The following HTRA1 variants were observed in gnomAD, a reference collection of about 807,000 sequenced individuals.
HTRA1 encodes the protein serine protease HTRA1.
In HTRA1, 26 loss-of-function variants were observed where a neutral mutation model predicts 49.7. That is an observed-to-expected ratio of 0.52 (90% CI 0.38 to 0.73). The LOEUF is 0.73. HTRA1 is among the 30% of genes least tolerant of loss of function. HTRA1 has a pLI of 0.00. For missense variants in HTRA1, 561 were observed against 667.2 expected (o/e 0.84, Z 1.75); for synonymous variants, 291 against 286.9 (o/e 1.01, Z -0.14).
chr10:122,492,293 A>G (rs1388096603), intron 3 of HTRA1, among the ~76,000 whole-genome samples: 2 of 152,060 alleles, frequency 1.3e-5, no homozygotes, highest in Non-Finnish European at 2.9e-5. Flanking sequence ...TCCTGATTTC[A>G]CTTGGAGGGG....
At chr10:122,513,892 TC>T (rs1201363275) in intron 8 of HTRA1, among the ~76,000 whole-genome samples, 1 of 99,422 alleles carries the variant, frequency 1.0e-5, no homozygotes, top group Non-Finnish European at 2.2e-5. Flanking sequence ...CAAACCTGGC[TC>T]TTTTTTTTTT....
intron 3 of HTRA1, among the ~76,000 whole-genome samples, chr10:122,495,091 A>G (rs1357142425): frequency 2.6e-5 from 4 of 152,080 alleles, no homozygotes; most frequent in African/African-American, 9.7e-5. Flanking sequence ...AGCTCGTCCA[A>G]AAGCGAATCA....
At chr10:122,489,799 G>A (rs2097494938) in intron 3 of HTRA1, among the ~76,000 whole-genome samples, 173 bp downstream of exon 3, 1 of 151,922 alleles carries the variant, frequency 6.6e-6, no homozygotes, top group African/African-American at 2.4e-5. Flanking sequence ...GTGTGGGAGA[G>A]GAAGGGGCTC....
intron 3 of HTRA1, among the ~76,000 whole-genome samples, chr10:122,495,589 C>G (rs1460664730): frequency 6.6e-6 from 1 of 152,178 alleles, no homozygotes; most frequent in African/African-American, 2.4e-5. Flanking sequence ...TGTGTGTTCT[C>G]TGGCCCGGAT....
chr10:122,482,251 GGACACCACCA>G (rs2097491335), intron 1 of HTRA1, among the ~76,000 whole-genome samples: 1 of 152,058 alleles, frequency 6.6e-6, no homozygotes, highest in Non-Finnish European at 1.5e-5. Context: ...GAGTCAGATT[GGACACCACCA>G]TGCCCATTTC....
intron 8 of HTRA1, 83 bp downstream of exon 8, chr10:122,512,148 C>A: frequency 2.1e-6 from 2 of 970,702 alleles, no homozygotes; most frequent in South Asian, 1.3e-5. Context: ...TGTTCCTTTT[C>A]TACTGGCTCA....
At chr10:122,497,976 G>T (rs2097499439) in intron 3 of HTRA1, among the ~76,000 whole-genome samples, 2 of 152,160 alleles carry the variant, frequency 1.3e-5, no homozygotes, top group South Asian at 4.1e-4. Flanking sequence ...TAGCTGTCGG[G>T]CCCCCATGTG....
At position 122,512,059 on chromosome 10, in the gene HTRA1, C is replaced by T; in HGVS notation, c.1268C>T (p.Ala423Val). 6.2e-7 allele frequency: 1 copy of T among 1,607,802 alleles called. No individual in the cohort carries two copies. The highest frequency in any genetic ancestry group is 1.3e-5 in the African/African-American group (1 of 74,900). ...YIIEVIPDTPAEAGGLKENDV... is the reference protein window; with the variant it reads ...YIIEVIPDTPVEAGGLKENDV... The stretch of plus-strand genomic sequence containing the variant: ...ATTGAAGTAATTCCTGATACCCCAG[C>T]AGAAGCGTGAGTTGGAGTCGTTTTC... The change falls in exon 8 of 9, where the codon GCA becomes GTA. Residue 423 changes from alanine (A) to valine (V), a missense_variant. Ala to Val is a moderately conservative substitution (Grantham distance 64). Around this residue, in one of 3 missense-constraint regions of HTRA1, gnomAD observed 179 missense variants for 173.4 expected, o/e 1.03. Coordinates refer to ENST00000368984, the MANE Select transcript of HTRA1 (RefSeq NM_002775.5).
At chr10:122,475,792 A>G (rs2090246440) in intron 1 of HTRA1, among the ~76,000 whole-genome samples, 1 of 152,214 alleles carries the variant, frequency 6.6e-6, no homozygotes, top group Non-Finnish European at 1.5e-5. Context: ...CAGTACCAGC[A>G]GCAGCGATTA....
chr10:122,496,826 C>T (rs767841150), intron 3 of HTRA1, among the ~76,000 whole-genome samples: 1 of 152,116 alleles, frequency 6.6e-6, no homozygotes, highest in Non-Finnish European at 1.5e-5. Flanking sequence ...CTGTCATTTC[C>T]TCGTGAGTTT....
rs2097495093 is a variant in HTRA1 at position 122,490,159 on chromosome 10, T to A, written c.777+533T>A. Among the ~76,000 whole-genome samples, 1 of 152,212 alleles carries A rather than the reference T, an allele frequency of 6.6e-6. No individual in the cohort carries two copies. Among genetic ancestry groups the A allele is most frequent in the African/African-American group, 2.4e-5 (1 of 41,460 alleles). ...CTTTAAACATCTTGGAAAACTTGAA[T>A]TAAAACAGAGCTAATGGATTTCTTC... is the stretch of plus-strand genomic sequence containing the variant. On this transcript the variant is annotated intron_variant, in intron 3 of 8. Transcript: ENST00000368984. This position sits in a 1 kb window ranked among gnomAD's most constrained non-coding sequence, Gnocchi z 4.2.
chr10:122,495,596 G>A (rs940511509), intron 3 of HTRA1, among the ~76,000 whole-genome samples: 3 of 152,104 alleles, frequency 2.0e-5, no homozygotes, highest in Admixed American at 6.5e-5. Context: ...TCTCTGGCCC[G>A]GATTCAAGAA....
intron 1 of HTRA1, among the ~76,000 whole-genome samples, chr10:122,479,175 G>T (rs567475837): frequency 1.7e-4 from 26 of 152,184 alleles, no homozygotes; most frequent in Non-Finnish European, 2.9e-4. Flanking sequence ...GATTGTTCTG[G>T]CTGGAAGGGA....
At position 122,464,548 on chromosome 10, in the gene HTRA1, A is replaced by G. The variant is rs1367373541; in HGVS notation, c.472+2424A>G. ...TTGGTACGAGTGGATTAGTGAATGA[A>G]TAAATGAATGAATGAAGACAAACGG... On this transcript the variant is annotated intron_variant, in intron 1 of 8. Transcript: ENST00000368984. This position sits in a 1 kb window ranked among gnomAD's most constrained non-coding sequence, Gnocchi z 4.8. Among the ~76,000 whole-genome samples, 1 of 152,226 alleles carries G rather than the reference A, an allele frequency of 6.6e-6. No homozygotes were observed. The highest frequency in any genetic ancestry group is 1.9e-4 in the East Asian group (1 of 5,192).
At position 122,514,573 on chromosome 10, in the gene HTRA1, G is replaced by A; in HGVS notation, c.*214G>A. On this transcript the variant is annotated 3_prime_UTR_variant, in exon 9 of 9. Transcript: ENST00000368984. ...CCGCAGGCAGAAGCTCTGCCCTTCT[G>A]TATCCTATGTATGCAGTGTGCTTTT... 1.7e-6 allele frequency: 1 copy of A among 581,988 alleles called. No individual in the cohort carries two copies. Among genetic ancestry groups the A allele is most frequent in the Non-Finnish European group, 3.1e-6 (1 of 322,198 alleles). The allele number at this position is 581,988 out of a possible 1,614,324, so 36.1% of individuals were successfully genotyped here. A position where few individuals can be genotyped will look rare whatever the true frequency, so the allele number is the denominator to read the frequency against.
At chr10:122,479,333 G>A (rs1044272808) in intron 1 of HTRA1, among the ~76,000 whole-genome samples, 1 of 152,180 alleles carries the variant, frequency 6.6e-6, no homozygotes, top group African/African-American at 2.4e-5. Flanking sequence ...GACAGATGGG[G>A]TTAGGCTCTT....
At chr10:122,478,515 C>T (rs2097489611) in intron 1 of HTRA1, among the ~76,000 whole-genome samples, 1 of 151,704 alleles carries the variant, frequency 6.6e-6, no homozygotes, top group Non-Finnish European at 1.5e-5. Flanking sequence ...GCCTCAGCCT[C>T]CCGAGTAGCT....
chr10:122,499,741 G>C (rs916989256), intron 3 of HTRA1, among the ~76,000 whole-genome samples: 1 of 152,224 alleles, frequency 6.6e-6, no homozygotes, highest in Non-Finnish European at 1.5e-5. Flanking sequence ...TGGAGGATGT[G>C]CTATTTTGTC....
In HTRA1 at chr10:122,461,617, C is replaced by A; in HGVS notation, c.-36C>A. 8.0e-7 allele frequency: 1 copy of A among 1,255,624 alleles called. No individual in the cohort carries two copies. Among genetic ancestry groups the A allele is most frequent in the East Asian group, 5.1e-5 (1 of 19,718 alleles). The allele number at this position is 1,255,624 out of a possible 1,614,324, so 77.8% of individuals were successfully genotyped here. On this transcript the variant is annotated 5_prime_UTR_variant, in exon 1 of 9. In the 5' UTR this introduces an upstream ATG that the reference lacks. Transcript: ENST00000368984. ...CCGGCGCCGCTCTCCGGCCCTCGCC[C>A]TGTCCGCCGCCACCGCCGCCGCCGC...
Sources: allele counts gnomAD v4.1 joint callset (sites outside exome capture counted in the v4.1 genomes callset), GRCh38; gene constraint gnomAD v4.1.1; regional missense constraint gnomAD v4.1.1; non-coding constraint Gnocchi (gnomAD v3.1); transcripts MANE v1.5; gene names NCBI Gene and HGNC (gene_info 2026-07-23, HGNC 2026-07-21).